KSR2: variants seen among roughly 807,000 people sequenced by gnomAD.
KSR2 encodes the protein kinase suppressor of ras 2.
A neutral mutation model predicts 107.8 loss-of-function variants in KSR2; 25 were observed. The observed-to-expected ratio is 0.23, with a 90% CI of 0.17 to 0.32. KSR2 has a LOEUF of 0.32. Among genes scored for constraint, KSR2 ranks in the 10% least tolerant of loss-of-function variants. The probability of loss-of-function intolerance (pLI) is 1.00; values close to 1 mark genes in which losing one functional copy is unlikely to be tolerated. For missense variants in KSR2, 887 were observed against 1,268.9 expected (o/e 0.70, Z 4.57); for synonymous variants, 480 against 507.0 (o/e 0.95, Z 0.71).
At chr12:117,730,481 G>A (rs959940129) in intron 4 of KSR2, among the ~76,000 whole-genome samples, 7 of 41,664 alleles carry the variant, frequency 1.7e-4, no homozygotes, top group African/African-American at 3.5e-4. Flanking sequence ...CCTCTCCCTC[G>A]TCTCCCCTCT....
At chr12:117,729,795 A>C (rs1887586128) in intron 4 of KSR2, among the ~76,000 whole-genome samples, 1 of 152,146 alleles carries the variant, frequency 6.6e-6, no homozygotes, top group Non-Finnish European at 1.5e-5. Flanking sequence ...GATGAATAGG[A>C]CAGGTCCTAC....
At chr12:117,648,285 G>A (rs917903251) in intron 5 of KSR2, among the ~76,000 whole-genome samples, 10 of 151,140 alleles carry the variant, frequency 6.6e-5, no homozygotes, top group Non-Finnish European at 1.2e-4. Context: ...TGGACTGGAC[G>A]TTGACTGCCT....
At chr12:117,809,998 G>C (rs1222490459) in intron 3 of KSR2, among the ~76,000 whole-genome samples, 1 of 152,142 alleles carries the variant, frequency 6.6e-6, no homozygotes. Context: ...CATTTGTGAG[G>C]TTCAGTCTCT....
At chr12:117,566,038 A>T (rs1447634924) in intron 7 of KSR2, among the ~76,000 whole-genome samples, 3 of 151,766 alleles carry the variant, frequency 2.0e-5, no homozygotes, top group Non-Finnish European at 4.4e-5. Flanking sequence ...TGCCACGGGG[A>T]TTTGTTGTAC....
At chr12:117,480,028 A>ATGTGTGTGTG (rs55877244) in intron 16 of KSR2, among the ~76,000 whole-genome samples, 2,467 of 148,596 alleles carry the variant, frequency 0.017, 64 homozygotes, top group African/African-American at 0.059. Context: ...ACACATGTGT[A>ATGTGTGTGTG]TGTGTGTGTG....
chr12:117,684,641 G>A (rs1334886135), intron 4 of KSR2, among the ~76,000 whole-genome samples: 1 of 152,128 alleles, frequency 6.6e-6, no homozygotes, highest in Non-Finnish European at 1.5e-5. Flanking sequence ...CCACTTCGGG[G>A]AGGGAATTCC....
chr12:117,843,142 G>A (rs1453428973), intron 3 of KSR2, among the ~76,000 whole-genome samples: 1 of 152,170 alleles, frequency 6.6e-6, no homozygotes, highest in Admixed American at 6.5e-5. Context: ...AACTCCATGA[G>A]GATGATACAA....
intron 5 of KSR2, among the ~76,000 whole-genome samples, chr12:117,608,441 A>C (rs1432299568): frequency 6.6e-6 from 1 of 152,214 alleles, no homozygotes; most frequent in East Asian, 1.9e-4. Context: ...TAAAACAAGG[A>C]GATATCAGCT....
intron 3 of KSR2, among the ~76,000 whole-genome samples, chr12:117,843,717 C>T (rs965807055): frequency 4.6e-5 from 7 of 152,112 alleles, no homozygotes; most frequent in African/African-American, 1.4e-4. Context: ...GACCAACAGC[C>T]GACCTTAAGT....
chr12:117,615,219 ACACACACACACACAC>A (rs1433558498), intron 5 of KSR2, among the ~76,000 whole-genome samples: 14 of 2,104 alleles, frequency 6.7e-3, no homozygotes, highest in Non-Finnish European at 0.01. Flanking sequence ...TCAGTTACAC[ACACACACACACACAC>A]ACACACACAC....
chr12:117,663,565 C>A (rs1884526241), intron 5 of KSR2, among the ~76,000 whole-genome samples: 1 of 152,194 alleles, frequency 6.6e-6, no homozygotes, highest in Non-Finnish European at 1.5e-5. Context: ...AAGTACCAGT[C>A]CCCACGCTAG....
At chr12:117,738,753 T>TA (rs1678002001) in intron 4 of KSR2, among the ~76,000 whole-genome samples, 1 of 152,150 alleles carries the variant, frequency 6.6e-6, no homozygotes. Flanking sequence ...CACACGCTTG[T>TA]AGTCTCAGCT....
intron 4 of KSR2, among the ~76,000 whole-genome samples, chr12:117,685,585 CTCCTGGCCT>C (rs1885538011): frequency 6.6e-6 from 1 of 152,264 alleles, no homozygotes; most frequent in Admixed American, 6.5e-5. Context: ...CTGCCCGCAT[CTCCTGGCCT>C]CCCTCTGGGG....
At chr12:117,867,142 C>T (rs1893500912) in intron 1 of KSR2, among the ~76,000 whole-genome samples, 1 of 151,976 alleles carries the variant, frequency 6.6e-6, no homozygotes, top group Non-Finnish European at 1.5e-5. Context: ...ATGGTAAGAC[C>T]CTGTCTCTAC....
At chr12:117,846,627 T>G (rs1892715138) in intron 3 of KSR2, among the ~76,000 whole-genome samples, 1 of 152,212 alleles carries the variant, frequency 6.6e-6, no homozygotes, top group Non-Finnish European at 1.5e-5. Context: ...ATTCATTGTT[T>G]CTTCCAACAT....
chr12:117,816,916 T>C (rs946976060), intron 3 of KSR2, among the ~76,000 whole-genome samples: 10 of 152,202 alleles, frequency 6.6e-5, no homozygotes, highest in Non-Finnish European at 1.5e-4. Context: ...AACCCAGTGC[T>C]GTTTGGATGG....
At chr12:117,616,177 A>T (rs11068574) in intron 5 of KSR2, among the ~76,000 whole-genome samples, 4 of 148,310 alleles carry the variant, frequency 2.7e-5, no homozygotes, top group African/African-American at 7.6e-5. Context: ...AAAAAAAAAC[A>T]GATTTTAAAA....
chr12:117,760,925 T>C (rs1888978770), intron 4 of KSR2, 86 bp downstream of exon 4: 2 of 1,550,424 alleles, frequency 1.3e-6, no homozygotes, highest in Non-Finnish European at 1.8e-6. Context: ...CCCGGTTTCC[T>C]TGACCTGGGC....
At chr12:117,964,829 A>G (rs1482010308) in intron 1 of KSR2, among the ~76,000 whole-genome samples, 1 of 152,250 alleles carries the variant, frequency 6.6e-6, no homozygotes, top group Non-Finnish European at 1.5e-5. Context: ...AGAATTTACA[A>G]CTATATCAGT....
Sources: allele counts gnomAD v4.1 joint callset (sites outside exome capture counted in the v4.1 genomes callset), GRCh38; gene constraint gnomAD v4.1.1; transcripts MANE v1.5; gene names NCBI Gene and HGNC (gene_info 2026-07-23, HGNC 2026-07-21).